Variants in ITCH observed in about 807,000 individuals in gnomAD.
ITCH encodes itchy E3 ubiquitin protein ligase.
A neutral mutation model predicts 126.8 loss-of-function variants in ITCH; 28 were observed. The ratio of observed to expected loss-of-function variants is 0.22; its 90% CI spans 0.16 to 0.30. ITCH has a LOEUF of 0.30. ITCH is among the 10% of genes least tolerant of loss of function. ITCH has a pLI of 1.00. For missense variants in ITCH, 631 were observed against 1,032.4 expected, an observed-to-expected ratio of 0.61 and a Z score of 5.33; for synonymous variants, 342 against 340.0, an observed-to-expected ratio of 1.01 and a Z score of -0.06.
chr20:34,387,429 G>A (rs2038324574), intron 2 of ITCH, among the ~76,000 whole-genome samples: 1 of 152,038 alleles, frequency 6.6e-6, no homozygotes, highest in African/African-American at 2.4e-5. Context: ...CCAGGAGTTC[G>A]AGACTAGCCC....
chr20:34,410,726 G>A (rs963196170), intron 4 of ITCH, among the ~76,000 whole-genome samples: 6 of 152,132 alleles, frequency 3.9e-5, no homozygotes, highest in Non-Finnish European at 5.9e-5. Flanking sequence ...ATAAAAGGTC[G>A]CAGCCTCCAT....
At chr20:34,419,905 G>T (rs531221336) in intron 6 of ITCH, among the ~76,000 whole-genome samples, 1 of 152,106 alleles carries the variant, frequency 6.6e-6, no homozygotes, top group African/African-American at 2.4e-5. Context: ...TTATATCAAA[G>T]GACATTTGCT....
intron 12 of ITCH, among the ~76,000 whole-genome samples, chr20:34,452,882 A>G (rs912972840): frequency 2.0e-5 from 3 of 152,226 alleles, no homozygotes; most frequent in African/African-American, 7.2e-5. Flanking sequence ...ATAGAGGATA[A>G]AGAACAAAGA....
intron 7 of ITCH, among the ~76,000 whole-genome samples, chr20:34,432,931 T>C (rs1338028075): frequency 6.6e-6 from 1 of 152,090 alleles, no homozygotes; most frequent in Admixed American, 6.6e-5. Flanking sequence ...CGTTCCAGGC[T>C]GGGTGACAGA....
chr20:34,379,555 G>A (rs2146013396), intron 2 of ITCH, among the ~76,000 whole-genome samples: 1 of 150,988 alleles, frequency 6.6e-6, no homozygotes, highest in Non-Finnish European at 1.5e-5. Context: ...AGCTATTCTA[G>A]GCACCTCATC....
intron 3 of ITCH, among the ~76,000 whole-genome samples, chr20:34,401,973 G>T (rs1479809416): frequency 1.3e-5 from 2 of 152,164 alleles, no homozygotes; most frequent in Non-Finnish European, 2.9e-5. Context: ...TAGGGATACG[G>T]GGGGGCGGCG....
At chr20:34,425,981 A>T (rs1981461154) in intron 7 of ITCH, among the ~76,000 whole-genome samples, 1 of 152,236 alleles carries the variant, frequency 6.6e-6, no homozygotes, top group Non-Finnish European at 1.5e-5. Flanking sequence ...ATGGAGGGGC[A>T]GGCCCCCTTC....
At chr20:34,369,368 T>G (rs1191136731) in intron 1 of ITCH, 26 bp from the exon 2 acceptor site, 1 of 398,806 alleles carries the variant, frequency 2.5e-6, no homozygotes, top group East Asian at 3.6e-5. Context: ...AAGTAATGTG[T>G]TAATGGACTC....
At chr20:34,412,789 T>A in intron 5 of ITCH, 150 bp downstream of exon 5, 1 of 644,756 alleles carries the variant, frequency 1.6e-6, no homozygotes, top group Non-Finnish European at 2.6e-6. Context: ...TTTTACACTA[T>A]TGAAAGTATT....
At position 34,440,212 on chromosome 20, in the gene ITCH, C is replaced by T; in HGVS notation, c.737C>T (p.Ser246Phe). The change falls in exon 9 of 25, where the codon TCT becomes TTT. Residue 246 changes from serine to phenylalanine, a missense_variant. Ser to Phe is a radical substitution (Grantham distance 155, BLOSUM62 -2). Coordinates refer to ENST00000374864, the MANE Select transcript of ITCH (RefSeq NM_031483.7). ...TSESDGSSTG[S>F]LPPTNTNTNT... is the part of the protein sequence containing the mutation. ...GAAAGTGATGGGTCTAGTACAGGCT[C>T]TCTGCCGCCGACAAATACAAATACA... 1.2e-6 allele frequency: 2 copies of T among 1,613,808 alleles called. No individual in the cohort carries two copies. The highest frequency in any genetic ancestry group is 2.7e-5 in the African/African-American group (2 of 75,040).
intron 2 of ITCH, among the ~76,000 whole-genome samples, chr20:34,374,053 T>G (rs935892145): frequency 6.6e-6 from 1 of 151,996 alleles, no homozygotes; most frequent in Non-Finnish European, 1.5e-5. Context: ...CCTGGCTAAT[T>G]TTTTGTATTT....
At chr20:34,470,256 T>C in intron 15 of ITCH, 136 bp downstream of exon 15, 1 of 783,500 alleles carries the variant, frequency 1.3e-6, no homozygotes, top group South Asian at 1.4e-5. Flanking sequence ...CATCTATTTT[T>C]AGAGCAAATA....
At chr20:34,378,366 C>T (rs1275043074) in intron 2 of ITCH, among the ~76,000 whole-genome samples, 2 of 146,386 alleles carry the variant, frequency 1.4e-5, no homozygotes, top group Non-Finnish European at 1.5e-5. Flanking sequence ...CCCAGATACT[C>T]GGTGGGCTGA....
At position 34,479,694 on chromosome 20, in the gene ITCH, G is replaced by T. The variant is rs1412015966; in HGVS notation, c.1723G>T (p.Gly575Trp). 1.2e-6 allele frequency: 2 copies of T among 1,613,594 alleles called. No homozygotes were observed. The highest frequency in any genetic ancestry group is 1.7e-6 in the Non-Finnish European group (2 of 1,179,528). Residue 575 changes from glycine (G) to tryptophan (W), a missense_variant, in exon 18 of 25, where the codon GGG becomes TGG. Gly to Trp is a radical substitution (Grantham distance 184). This residue lies in a region of ITCH where 390 missense variants were observed against 731.6 expected (regional missense o/e 0.53). Transcript: ENST00000374864. ...NPMYCLFEYA[G>W]KDNYCLQINP... ...AATGTATTGCCTGTTTGAATATGCA[G>T]GGAAGGATAACTACTGCTTGCAGAT...
At chr20:34,472,529 C>T (rs1365882292) in intron 16 of ITCH, among the ~76,000 whole-genome samples, 1 of 152,226 alleles carries the variant, frequency 6.6e-6, no homozygotes, top group South Asian at 2.1e-4. Flanking sequence ...ATGAAAACAT[C>T]TGGTTAGTCC....
intron 23 of ITCH, among the ~76,000 whole-genome samples, chr20:34,496,734 C>T (rs1358385075): frequency 2.1e-5 from 3 of 142,114 alleles, no homozygotes; most frequent in Non-Finnish European, 3.0e-5. Context: ...ACCCAGGAGG[C>T]GGAGGTTGAG....
At chr20:34,421,348 T>C (rs1980739174) in intron 6 of ITCH, among the ~76,000 whole-genome samples, 1 of 152,226 alleles carries the variant, frequency 6.6e-6, no homozygotes, top group South Asian at 2.1e-4. Flanking sequence ...TAAAACGCTT[T>C]ATCTAGGAGC....
chr20:34,484,543 A>G (rs990577666), intron 20 of ITCH, among the ~76,000 whole-genome samples: 1 of 152,158 alleles, frequency 6.6e-6, no homozygotes, highest in Admixed American at 6.5e-5. Context: ...CCAGAGAGGT[A>G]ATGTTTCGAG....
Position 34,470,032 on chromosome 20 carries a change from C to A in ITCH, c.1425-16C>A, listed in dbSNP as rs774177472. The stretch of plus-strand genomic sequence containing the variant: ...AAGCAGCTATATATGTCCTGTTAAC[C>A]CTTGTTCTTCCTCAGAGACAATGGA... On this transcript the variant is annotated splice_polypyrimidine_tract_variant and intron_variant, in intron 14 of 24. Transcript: ENST00000374864. 6.2e-7 allele frequency: 1 copy of A among 1,607,338 alleles called. No individual in the cohort carries two copies. The highest frequency in any genetic ancestry group is 8.5e-7 in the Non-Finnish European group (1 of 1,173,882).
Sources: gnomAD v4.1 joint callset for allele counts (sites outside exome capture counted in the v4.1 genomes callset) on GRCh38, gnomAD v4.1.1 for gene constraint, gnomAD v4.1.1 regional missense constraint, MANE v1.5 for transcripts, NCBI Gene and HGNC (gene_info 2026-07-23, HGNC 2026-07-21) for gene names.